Variants in PGAP4 observed in about 807,000 individuals in gnomAD.
PGAP4 encodes the protein post-GPI attachment to proteins GalNAc transferase 4, also known as GPI-N-acetylgalactosamine transferase PGAP4.
In PGAP4, 12 loss-of-function variants were observed where a neutral mutation model predicts 28.2. The ratio of observed to expected loss-of-function variants is 0.42; its 90% CI spans 0.27 to 0.69. PGAP4 has a LOEUF of 0.69. PGAP4 is among the 30% of genes least tolerant of loss of function. The pLI is 0.22. For missense variants in PGAP4, 425 were observed against 513.5 expected, an observed-to-expected ratio of 0.83 and a Z score of 1.67; for synonymous variants, 205 against 211.8, an observed-to-expected ratio of 0.97 and a Z score of 0.28.
intron 1 of PGAP4, among the ~76,000 whole-genome samples, chr9:101,531,780 A>C (rs749325960): frequency 6.6e-6 from 1 of 152,196 alleles, no homozygotes; most frequent in Non-Finnish European, 1.5e-5. Context: ...AGGGAAGGGG[A>C]ATAGCTGTTG....
At chr9:101,505,887 A>G (rs1252713080) in intron 2 of PGAP4, among the ~76,000 whole-genome samples, 2 of 152,188 alleles carry the variant, frequency 1.3e-5, no homozygotes, top group East Asian at 1.9e-4. Context: ...ATTAGTGATT[A>G]TAGCTGAATA....
intron 2 of PGAP4, among the ~76,000 whole-genome samples, chr9:101,526,065 G>A (rs1477652943): frequency 6.6e-6 from 1 of 151,818 alleles, no homozygotes; most frequent in African/African-American, 2.4e-5. Context: ...TTTATAAAAG[G>A]ACAGTTTTCA....
chr9:101,509,129 A>G (rs937826458), intron 2 of PGAP4, among the ~76,000 whole-genome samples: 3 of 152,196 alleles, frequency 2.0e-5, no homozygotes, highest in Non-Finnish European at 4.4e-5. Flanking sequence ...TCGTGTATCC[A>G]TTCCTTCCCA....
At position 101,486,377 on chromosome 9, in the gene PGAP4, T is replaced by A. The variant is rs932404957; in HGVS notation, c.-78+572A>T. On this transcript the variant is annotated intron_variant, in intron 1 of 1. Transcript: ENST00000374848. This position sits in a 1 kb window ranked among gnomAD's most constrained non-coding sequence, Gnocchi z 4.7. The stretch of plus-strand genomic sequence containing the variant: ...CCTGGTCCTGGGAGGGACGCCTTCC[T>A]CTGCCCAGTCGCCCTCCCCCAGCCC... Among the ~76,000 whole-genome samples the A allele has an allele frequency of 6.6e-6, 1 of 152,146 alleles. No homozygotes were observed. The highest frequency in any genetic ancestry group is 1.5e-5 in the Non-Finnish European group (1 of 68,014).
In PGAP4 at chr9:101,477,055, C is replaced by G; in HGVS notation, c.38G>C (p.Arg13Pro). The G allele has an allele frequency of 6.2e-7, 1 of 1,606,120 alleles. No individual in the cohort carries two copies. Residue 13 changes from arginine to proline, a missense_variant, in exon 2 of 2, where the codon CGG becomes CCG. Coordinates refer to ENST00000374848, the MANE Select transcript of PGAP4 (RefSeq NM_032342.3). ...GCCCCAGGAGAGTCGCCGCAGCCTC[C>G]GGAGGAGCATGGCAGCTGGAGAGGT... ...TSTSPAAMLL[R>P]RLRRLSWGST... is the part of the protein sequence containing the mutation.
At chr9:101,495,903 C>T (rs1460118675) in intron 2 of PGAP4, among the ~76,000 whole-genome samples, 3 of 150,968 alleles carry the variant, frequency 2.0e-5, no homozygotes, top group African/African-American at 7.3e-5. Flanking sequence ...TTATGTGAAG[C>T]TCATTTAAAT....
intron 2 of PGAP4, among the ~76,000 whole-genome samples, chr9:101,500,500 G>C (rs1328478882): frequency 6.7e-6 from 1 of 150,250 alleles, no homozygotes; most frequent in Admixed American, 6.7e-5. Flanking sequence ...GCATGTCAAT[G>C]TTCTTAATTT....
At chr9:101,494,900 T>C (rs183486569) in intron 2 of PGAP4, among the ~76,000 whole-genome samples, 112 of 151,046 alleles carry the variant, frequency 7.4e-4, no homozygotes, top group African/African-American at 2.6e-3. Context: ...AAATTTTATA[T>C]ATTTTTTCAA....
chr9:101,521,820 T>C (rs1228465091), intron 2 of PGAP4, among the ~76,000 whole-genome samples: 1 of 152,170 alleles, frequency 6.6e-6, no homozygotes, highest in Non-Finnish European at 1.5e-5. Context: ...CTGTTTGCAC[T>C]CTTTTGATCT....
At chr9:101,495,995 A>G (rs1170067150) in intron 2 of PGAP4, among the ~76,000 whole-genome samples, 1 of 151,514 alleles carries the variant, frequency 6.6e-6, no homozygotes, top group Non-Finnish European at 1.5e-5. Flanking sequence ...CAGAAAAGTG[A>G]GTGAACTATA....
intron 2 of PGAP4, among the ~76,000 whole-genome samples, chr9:101,499,155 C>T (rs74948895): frequency 6.6e-6 from 1 of 151,760 alleles, no homozygotes; most frequent in Non-Finnish European, 1.5e-5. Context: ...AGCCCAGAAG[C>T]GATGTAAGAT....
intron 2 of PGAP4, among the ~76,000 whole-genome samples, chr9:101,530,359 C>CG (rs1827077726): frequency 2.0e-5 from 3 of 151,842 alleles, no homozygotes; most frequent in African/African-American, 7.3e-5. Context: ...TTGGGTCCTT[C>CG]AACAAATACT....
intron 1 of PGAP4, chr9:101,479,769 C>G (rs1198171377): frequency 6.6e-6 from 1 of 152,196 alleles, no homozygotes; most frequent in African/African-American, 2.4e-5. Context: ...TTGTGGATAG[C>G]TGTGGCTCAG....
At position 101,522,921 on chromosome 9, in the gene PGAP4, T is replaced by A. The variant is rs993857568; in HGVS notation, c.-165+8427A>T. On this transcript the variant is annotated intron_variant, in intron 2 of 3. Coordinates refer to the PGAP4 transcript ENST00000374851. ...AGCAGTTCTTGCAGTGGTGGCTTGG[T>A]AATGGCAAATTCTCTCAGCATTTGT... Among the ~76,000 whole-genome samples the A allele has an allele frequency of 2.6e-5, 4 of 152,214 alleles. No homozygotes were observed. In the South Asian group the frequency reaches 8.3e-4, roughly 32 times the overall value.
chr9:101,473,977 C>T lies in PGAP4; in HGVS notation c.*1904G>A, dbSNP rs1030573395. 6 of 152,144 alleles carry T rather than the reference C, an allele frequency of 3.9e-5. No homozygotes were observed. The highest frequency in any genetic ancestry group is 1.4e-4 in the African/African-American group (6 of 41,432). The allele number at this position is 152,144 out of a possible 1,614,324, so 9.4% of individuals were successfully genotyped here. ...GCTCACTATAACATTACAACACATA[C>T]TTATATCTGTTTGCTCCTCCAAACT... is the stretch of plus-strand genomic sequence containing the variant. On this transcript the variant is annotated 3_prime_UTR_variant, in exon 2 of 2. Coordinates refer to ENST00000374848, the MANE Select transcript of PGAP4 (RefSeq NM_032342.3).
At position 101,476,973 on chromosome 9, in the gene PGAP4, G is replaced by A. The variant is rs745323068; in HGVS notation, c.120C>T (p.Pro40=). The A allele has an allele frequency of 6.3e-7, 1 of 1,598,586 alleles. No homozygotes were observed. Among genetic ancestry groups the A allele is most frequent in the East Asian group, 2.3e-5 (1 of 44,254 alleles). Residue 40 remains proline (P), a synonymous_variant, in exon 2 of 2, where the codon CCC becomes CCT. Transcript: ENST00000374848. The surrounding 1 kb of genome is among the most constrained non-coding windows in gnomAD (Gnocchi z 7.0). Reference sequence around the variant, plus strand: ...AGTGTAGAAGTCGGTGACAGGCCAGGGGGGCCAGCAGGCCAAACGTCACCA... The same window carrying A: ...AGTGTAGAAGTCGGTGACAGGCCAGAGGGGCCAGCAGGCCAAACGTCACCA... The part of the protein sequence containing the change: ...LTVVTFGLLA[P]LACHRLLHSY...
At chr9:101,522,696 C>G (rs1826999196) in intron 2 of PGAP4, among the ~76,000 whole-genome samples, 1 of 152,082 alleles carries the variant, frequency 6.6e-6, no homozygotes. Flanking sequence ...TTAAGTGGAG[C>G]ATTACTTACA....
In PGAP4 at chr9:101,476,857, T is replaced by C. The variant is rs1482527149; in HGVS notation, c.236A>G (p.Tyr79Cys). ...SLKEGEAALH[Y>C]FEELPSANGS... ...ATTGGCAGAGGGAAGCTCCTCAAAATAGTGGAGGGCAGCCTCACCCTCTTT... is the reference window on the plus strand; with the variant it reads ...ATTGGCAGAGGGAAGCTCCTCAAAACAGTGGAGGGCAGCCTCACCCTCTTT... Residue 79 changes from tyrosine (Y) to cysteine (C), a missense_variant, in exon 2 of 2, where the codon TAT becomes TGT. Physicochemically the swap from Tyr to Cys is radical, Grantham distance 194. Transcript: ENST00000374848. This position sits in a 1 kb window ranked among gnomAD's most constrained non-coding sequence, Gnocchi z 7.0. 6.2e-7 allele frequency: 1 copy of C among 1,610,512 alleles called. No individual in the cohort carries two copies.
At chr9:101,480,196 C>T (rs34033059) in intron 1 of PGAP4, among the ~76,000 whole-genome samples, 6,657 of 152,156 alleles carry the variant, frequency 0.044, 201 homozygotes, top group East Asian at 0.15. Context: ...ACACACTACA[C>T]GAATAAGGAC....
Sources: gnomAD v4.1 joint callset for allele counts (sites outside exome capture counted in the v4.1 genomes callset) on GRCh38, gnomAD v4.1.1 for gene constraint, Gnocchi (gnomAD v3.1) non-coding constraint, MANE v1.5 for transcripts, NCBI Gene and HGNC (gene_info 2026-07-23, HGNC 2026-07-21) for gene names.